Variants in HP1BP3 observed in about 807,000 individuals in gnomAD.
HP1BP3 encodes the protein heterochromatin protein 1-binding protein 3.
In HP1BP3, 12 loss-of-function variants were observed where a neutral mutation model predicts 62.5. The ratio of observed to expected loss-of-function variants is 0.19; its 90% CI spans 0.12 to 0.31. The LOEUF is 0.31. Ranked by LOEUF, HP1BP3 falls within the 10% of genes least tolerant of loss-of-function variation. The pLI is 1.00. For synonymous variants in HP1BP3, 260 were observed against 237.8 expected (o/e 1.09, Z -0.86); for missense variants, 502 against 651.8 (o/e 0.77, Z 2.50).
rs2055175067 is a variant in HP1BP3, at chr1:20,744,154, A to G, written c.*643T>C. 6.6e-6 allele frequency: 1 copy of G among 152,640 alleles called. No individual in the cohort carries two copies. The highest frequency in any genetic ancestry group is 2.1e-4 in the South Asian group (1 of 4,834). 9.5% of individuals were successfully genotyped at this position (152,640 alleles called of 1,614,324 possible). On this transcript the variant is annotated 3_prime_UTR_variant, in exon 13 of 13. Transcript: ENST00000438032. ...TTAAGGGAATGCAATACTTTGGGCCAGTGAAAAATACCTAGAAATTGATCA... is the reference window on the plus strand; with the variant it reads ...TTAAGGGAATGCAATACTTTGGGCCGGTGAAAAATACCTAGAAATTGATCA...
intron 8 of HP1BP3, 99 bp downstream of exon 8, chr1:20,765,278 G>T: frequency 2.8e-6 from 2 of 721,416 alleles, no homozygotes; most frequent in Non-Finnish European, 4.2e-6. Flanking sequence ...TTAGCTGAAA[G>T]TAATCCTTCC....
At chr1:20,758,075 G>A in intron 8 of HP1BP3, among the ~76,000 whole-genome samples, 1 of 152,098 alleles carries the variant, frequency 6.6e-6, no homozygotes. Context: ...GAACCCGGGA[G>A]GCGGAGGTTG....
chr1:20,757,369 ATTATTTT>A (rs1207206271), intron 8 of HP1BP3, 113 bp from the exon 9 acceptor site: 5 of 400,548 alleles, frequency 1.2e-5, no homozygotes, highest in Middle Eastern at 6.6e-4. Context: ...TATTATTATT[ATTATTTT>A]TTTTTTTTTT....
At chr1:20,762,443 C>G (rs2056536904) in intron 8 of HP1BP3, among the ~76,000 whole-genome samples, 1 of 152,128 alleles carries the variant, frequency 6.6e-6, no homozygotes, top group East Asian at 1.9e-4. Context: ...TCTCCACTCA[C>G]CAAAAAGCAG....
intron 6 of HP1BP3, among the ~76,000 whole-genome samples, chr1:20,767,871 C>T (rs570063544): frequency 1.4e-4 from 22 of 152,028 alleles, no homozygotes; most frequent in Non-Finnish European, 2.8e-4. Flanking sequence ...TACTGGACAA[C>T]CCAGTTAACC....
intron 7 of HP1BP3, among the ~76,000 whole-genome samples, chr1:20,766,803 G>A (rs867578127): frequency 1.3e-5 from 2 of 151,946 alleles, no homozygotes; most frequent in African/African-American, 2.4e-5. Flanking sequence ...AGCTGGGAAC[G>A]GTGGCACATG....
chr1:20,747,564 G>C lies in HP1BP3; in HGVS notation c.1233C>G (p.Leu411=). The C allele has an allele frequency of 2.5e-6, 4 of 1,609,988 alleles. No homozygotes were observed. The highest frequency in any genetic ancestry group is 3.4e-6 in the Non-Finnish European group (4 of 1,176,684). ...SGKGFSGTFQ[L]CFPYYPSPGV... ...CTTACCTGGGATAATAGGGAAAACA[G>C]AGCTGGAAGGTGCCACTGAACCCTT... The change falls in exon 11 of 13, where the codon CTC becomes CTG. Residue 411 remains leucine (L), a synonymous_variant. Coordinates refer to ENST00000438032, the MANE Select transcript of HP1BP3 (RefSeq NM_001372052.1).
chr1:20,762,891 CAG>C (rs988642343), intron 8 of HP1BP3, among the ~76,000 whole-genome samples: 35 of 152,250 alleles, frequency 2.3e-4, no homozygotes, highest in Admixed American at 2.3e-3. Context: ...AGACCTGTCT[CAG>C]ATATTTTGGG....
At position 20,757,286 on chromosome 1, in the gene HP1BP3, A is replaced by G. The variant is rs764071078; in HGVS notation, c.891-30T>C. Reference sequence around the variant, plus strand: ...AAAGAAAAACAAAAAAAAAATAGTGATAAATACATTAATGAAAGAAAAATG... The same window carrying G: ...AAAGAAAAACAAAAAAAAAATAGTGGTAAATACATTAATGAAAGAAAAATG... On this transcript the variant is annotated intron_variant, in intron 8 of 12. Transcript: ENST00000438032. 2.2e-6 allele frequency: 3 copies of G among 1,379,898 alleles called. 1 individual carries two copies. In the South Asian group the frequency reaches 3.7e-5, roughly 17 times the overall value. 85.5% of individuals were successfully genotyped at this position (1,379,898 alleles called of 1,614,324 possible).
intron 1 of HP1BP3, among the ~76,000 whole-genome samples, chr1:20,783,011 C>CT (rs2057643479): frequency 7.6e-6 from 1 of 131,268 alleles, no homozygotes; most frequent in Admixed American, 7.6e-5. Context: ...ACTTGGAAGA[C>CT]TGAGATGGGA....
At chr1:20,782,958 A>T (rs1026895438) in intron 1 of HP1BP3, among the ~76,000 whole-genome samples, 2 of 151,854 alleles carry the variant, frequency 1.3e-5, no homozygotes, top group Admixed American at 1.3e-4. Context: ...ACAAAAGATA[A>T]AAAATTAGCT....
chr1:20,761,953 T>C lies in HP1BP3; in HGVS notation c.890+3424A>G, dbSNP rs115390504. Among the ~76,000 whole-genome samples the C allele has an allele frequency of 5.5e-3, 837 of 152,282 alleles. 7 individuals carry two copies. The highest frequency in any genetic ancestry group is 0.019 in the African/African-American group (785 of 41,560). ...AGGACTATGAATTGACCACTGAAAT[T>C]TCCAACGTGGAGACTGACAGAAAAT... On this transcript the variant is annotated intron_variant, in intron 8 of 12. Transcript: ENST00000438032.
At chr1:20,764,594 AAGAT>A (rs1350940342) in intron 8 of HP1BP3, among the ~76,000 whole-genome samples, 42 of 151,156 alleles carry the variant, frequency 2.8e-4, no homozygotes, top group Admixed American at 1.7e-3. Flanking sequence ...CATATCTGAG[AAGAT>A]ACACAGTTCA....
chr1:20,787,227 C>T lies in HP1BP3; in HGVS notation c.-133G>A, dbSNP rs901937487. On this transcript the variant is annotated 5_prime_UTR_variant, in exon 1 of 13. Transcript: ENST00000438032. ...TTCGGCCGGTCCTGGCGCCCGCGTC[C>T]CGCACGGCCTCTCGGCGCCGCTCCC... 6 of 152,222 alleles carry T rather than the reference C, an allele frequency of 3.9e-5. No homozygotes were observed. Among genetic ancestry groups the T allele is most frequent in the African/African-American group, 1.2e-4 (5 of 41,316 alleles). 9.4% of individuals were successfully genotyped at this position (152,222 alleles called of 1,614,324 possible).
intron 6 of HP1BP3, among the ~76,000 whole-genome samples, chr1:20,769,781 A>C (rs1570638258): frequency 6.6e-6 from 1 of 152,162 alleles, no homozygotes; most frequent in East Asian, 1.9e-4. Context: ...ACAGAGCAGC[A>C]ATCTGTTTTA....
intron 7 of HP1BP3, among the ~76,000 whole-genome samples, chr1:20,767,168 T>C (rs2056827146): frequency 6.6e-6 from 1 of 151,630 alleles, no homozygotes; most frequent in Admixed American, 6.6e-5. Context: ...CAAAAAAAAT[T>C]AGTCAGGCAC....
At chr1:20,749,361 C>CTTT (rs11377726) in intron 10 of HP1BP3, among the ~76,000 whole-genome samples, 2 of 138,894 alleles carry the variant, frequency 1.4e-5, no homozygotes, top group Non-Finnish European at 1.6e-5. Flanking sequence ...CTTTTCTTTT[C>CTTT]TTTTCTTTTT....
Position 20,779,851 on chromosome 1 carries a change from G to T in HP1BP3, c.157C>A (p.Pro53Thr). 6.2e-7 allele frequency: 1 copy of T among 1,613,454 alleles called. No homozygotes were observed. Among genetic ancestry groups the T allele is most frequent in the South Asian group, 1.1e-5 (1 of 90,902 alleles). The change falls in exon 3 of 13, where the codon CCC (proline) becomes ACC (threonine). Residue 53 changes from proline (P) to threonine (T), a missense_variant. Physicochemically the swap from Pro to Thr is conservative, Grantham distance 38. Coordinates refer to ENST00000438032, the MANE Select transcript of HP1BP3 (RefSeq NM_001372052.1). ...TCCCCTTCAGCAAGCTTGCTTTTGG[G>T]AGGAGTTTCCCGGGTAGAATTCACA... ...RTVNSTRETP[P>T]KSKLAEGEEE...
At chr1:20,770,858 T>C in intron 6 of HP1BP3, 72 bp downstream of exon 6, 1 of 1,184,690 alleles carries the variant, frequency 8.4e-7, no homozygotes, top group South Asian at 1.7e-5. Context: ...ACAAAAAGCC[T>C]AAATGTTACT....
Sources: gnomAD v4.1 joint callset for allele counts (sites outside exome capture counted in the v4.1 genomes callset) on GRCh38, gnomAD v4.1.1 for gene constraint, MANE v1.5 for transcripts, NCBI Gene and HGNC (gene_info 2026-07-23, HGNC 2026-07-21) for gene names.